MAML2: variants seen among roughly 807,000 people sequenced by gnomAD.
The protein encoded by MAML2 is mastermind like transcriptional coactivator 2, also known as mastermind-like protein 2.
In MAML2, 22 loss-of-function variants were observed where a neutral mutation model predicts 96.1. That is an observed-to-expected ratio of 0.23 (90% CI 0.16 to 0.33). The LOEUF (loss-of-function observed/expected upper bound fraction) is 0.33, where lower values mean the gene tolerates loss of function less well. Among genes scored for constraint, MAML2 ranks in the 10% least tolerant of loss-of-function variants. The probability of loss-of-function intolerance (pLI) is 1.00; values close to 1 mark genes in which losing one functional copy is unlikely to be tolerated. For synonymous variants in MAML2, 561 were observed against 521.3 expected (o/e 1.08, Z -1.04); for missense variants, 1,367 against 1,392.4 (o/e 0.98, Z 0.29).
At chr11:96,318,729 T>C (rs1444207325) in intron 1 of MAML2, among the ~76,000 whole-genome samples, 3 of 152,222 alleles carry the variant, frequency 2.0e-5, no homozygotes, top group Non-Finnish European at 4.4e-5. Flanking sequence ...TGTTCCCTGA[T>C]ATATCCTAAG....
intron 1 of MAML2, among the ~76,000 whole-genome samples, chr11:96,297,327 C>A (rs61424588): frequency 0.16 from 23,960 of 152,090 alleles, 2,113 homozygotes; most frequent in East Asian, 0.24. Flanking sequence ...ATAATCCCAG[C>A]ACTTTGGGAA....
chr11:96,197,287 G>A (rs1219023596), intron 1 of MAML2, among the ~76,000 whole-genome samples: 3 of 152,126 alleles, frequency 2.0e-5, no homozygotes, highest in Non-Finnish European at 2.9e-5. Flanking sequence ...CTCCTCCTTC[G>A]ACATAACTAA....
intron 1 of MAML2, among the ~76,000 whole-genome samples, chr11:96,263,277 C>T (rs1413447378): frequency 2.0e-5 from 3 of 152,162 alleles, no homozygotes; most frequent in Non-Finnish European, 4.4e-5. Context: ...TTGTTAAAAG[C>T]AGGACTGAGA....
chr11:96,284,221 C>G (rs1329781099), intron 1 of MAML2, among the ~76,000 whole-genome samples: 1 of 152,208 alleles, frequency 6.6e-6, no homozygotes, highest in Non-Finnish European at 1.5e-5. Flanking sequence ...CTTCCACTCC[C>G]ACAAATTTCT....
At chr11:96,117,279 C>T (rs1039923929) in intron 1 of MAML2, among the ~76,000 whole-genome samples, 2 of 146,612 alleles carry the variant, frequency 1.4e-5, no homozygotes, top group African/African-American at 5.0e-5. Flanking sequence ...ATCTGTCATG[C>T]TGCAAAGCTC....
At chr11:96,322,881 G>A (rs1424929067) in intron 1 of MAML2, among the ~76,000 whole-genome samples, 2 of 152,164 alleles carry the variant, frequency 1.3e-5, no homozygotes, top group East Asian at 3.9e-4. Context: ...GTGTAGAGTG[G>A]AGAATCACAG....
rs1044909363 is a variant in MAML2, at chr11:96,202,950, A to G, written c.514-109433T>C. Among the ~76,000 whole-genome samples, 4 of 152,270 alleles carry G rather than the reference A, an allele frequency of 2.6e-5. No individual in the cohort carries two copies. The South Asian group carries it at 8.3e-4, about 32-fold the overall frequency. ...GCCTCAGATGATATTTTTTACCTAT[A>G]GAATGTGAGCTCCCAAAGGAAACAC... is the stretch of plus-strand genomic sequence containing the variant. On this transcript the variant is annotated intron_variant, in intron 1 of 4. Coordinates refer to ENST00000524717, the MANE Select transcript of MAML2 (RefSeq NM_032427.4).
intron 1 of MAML2, among the ~76,000 whole-genome samples, chr11:96,154,223 G>C (rs938630749): frequency 6.6e-6 from 1 of 152,114 alleles, no homozygotes; most frequent in South Asian, 2.1e-4. Context: ...AGTAGGTCTC[G>C]GGTGGGGCCT....
chr11:96,314,864 A>T (rs919920019), intron 1 of MAML2, among the ~76,000 whole-genome samples: 5 of 152,192 alleles, frequency 3.3e-5, no homozygotes, highest in African/African-American at 1.2e-4. Flanking sequence ...CCTGCAATCC[A>T]GACTCTAGGC....
At position 96,343,065 on chromosome 11, in the gene MAML2, T is replaced by G; in HGVS notation, c.-1170A>C. 2.5e-6 allele frequency: 1 copy of G among 398,252 alleles called. No homozygotes were observed. The highest frequency in any genetic ancestry group is 4.4e-6 in the Non-Finnish European group (1 of 225,844). The allele number at this position is 398,252 out of a possible 1,614,324, so 24.7% of individuals were successfully genotyped here. A position where few individuals can be genotyped will look rare whatever the true frequency, so the allele number is the denominator to read the frequency against. On this transcript the variant is annotated 5_prime_UTR_variant, in exon 1 of 5. Coordinates refer to ENST00000524717, the MANE Select transcript of MAML2 (RefSeq NM_032427.4). ...CCGCTTTATAGATGGAAAAAAAAAGTAGCTTGTATTTTCCTTTCTCTTTCT... is the reference window on the plus strand; with the variant it reads ...CCGCTTTATAGATGGAAAAAAAAAGGAGCTTGTATTTTCCTTTCTCTTTCT...
intron 1 of MAML2, among the ~76,000 whole-genome samples, chr11:96,246,860 C>T (rs889218239): frequency 6.6e-6 from 1 of 152,108 alleles, no homozygotes; most frequent in Non-Finnish European, 1.5e-5. Flanking sequence ...AATGGAGAAC[C>T]ACCTCCCTCA....
intron 2 of MAML2, among the ~76,000 whole-genome samples, chr11:96,021,454 C>A (rs945241606): frequency 2.6e-5 from 4 of 152,218 alleles, no homozygotes; most frequent in Non-Finnish European, 4.4e-5. Flanking sequence ...TGAATGCCTG[C>A]GGCTCTCTGT....
At chr11:96,330,739 CA>C (rs1863841979) in intron 1 of MAML2, among the ~76,000 whole-genome samples, 1 of 152,168 alleles carries the variant, frequency 6.6e-6, no homozygotes, top group Non-Finnish European at 1.5e-5. Flanking sequence ...GCTCATCTCC[CA>C]ATTAGCTAGA....
intron 1 of MAML2, among the ~76,000 whole-genome samples, chr11:96,237,523 G>A (rs1222322249): frequency 6.6e-6 from 1 of 152,114 alleles, no homozygotes; most frequent in Non-Finnish European, 1.5e-5. Context: ...GTCACCTCCC[G>A]ATAAGTGAAG....
intron 2 of MAML2, among the ~76,000 whole-genome samples, chr11:96,008,204 C>CT (rs5793769): frequency 6.7e-5 from 10 of 150,346 alleles, no homozygotes; most frequent in African/African-American, 2.5e-4. Flanking sequence ...AACTTTTAAC[C>CT]TTTTTTTTCC....
chr11:96,091,888 T>C lies in MAML2; in HGVS notation c.2139+4A>G, dbSNP rs775348289. 4 of 1,611,602 alleles carry C rather than the reference T, an allele frequency of 2.5e-6. No homozygotes were observed. Among genetic ancestry groups the C allele is most frequent in the Non-Finnish European group, 3.4e-6 (4 of 1,178,694 alleles). On this transcript the variant is annotated splice_donor_region_variant and intron_variant, in intron 2 of 4. Coordinates refer to ENST00000524717, the MANE Select transcript of MAML2 (RefSeq NM_032427.4). ...CTCTGTATTTGGAGTAGTAGAGCCCTTACCTGTCTCTGTTGTTGGGAGACT... is the reference window on the plus strand; with the variant it reads ...CTCTGTATTTGGAGTAGTAGAGCCCCTACCTGTCTCTGTTGTTGGGAGACT...
chr11:96,092,482 C>T lies in MAML2; in HGVS notation c.1549G>A (p.Ala517Thr), dbSNP rs772099046. 5.0e-6 allele frequency: 8 copies of T among 1,607,400 alleles called. No homozygotes were observed. The highest frequency in any genetic ancestry group is 6.8e-6 in the Non-Finnish European group (8 of 1,176,360). Reference protein sequence around the residue: ...SKVMANYMYKAGPSAQGGHLD... With the variant: ...SKVMANYMYKTGPSAQGGHLD... Reference sequence around the variant, plus strand: ...TGCCCACCCTGGGCTGAGGGGCCGGCCTTGTACATGTAGTTAGCCATTACT... The same window carrying T: ...TGCCCACCCTGGGCTGAGGGGCCGGTCTTGTACATGTAGTTAGCCATTACT... The change falls in exon 2 of 5, where the codon GCC becomes ACC. Residue 517 changes from alanine to threonine, a missense_variant. Transcript: ENST00000524717. This position sits in a 1 kb window ranked among gnomAD's most constrained non-coding sequence, Gnocchi z 4.1.
At chr11:96,153,441 T>C (rs1157406157) in intron 1 of MAML2, among the ~76,000 whole-genome samples, 1 of 152,206 alleles carries the variant, frequency 6.6e-6, no homozygotes, top group Non-Finnish European at 1.5e-5. Context: ...TGCCTTTCTT[T>C]TATATTTTGG....
chr11:96,103,207 C>T (rs1219818609), intron 1 of MAML2, among the ~76,000 whole-genome samples: 1 of 152,162 alleles, frequency 6.6e-6, no homozygotes, highest in Non-Finnish European at 1.5e-5. Flanking sequence ...TAGAAGCCAA[C>T]AGAAGAGACA....
Sources: allele counts gnomAD v4.1 joint callset (sites outside exome capture counted in the v4.1 genomes callset), GRCh38; gene constraint gnomAD v4.1.1; non-coding constraint Gnocchi (gnomAD v3.1); transcripts MANE v1.5; gene names NCBI Gene and HGNC (gene_info 2026-07-23, HGNC 2026-07-21).